Variants in RAVER2 observed in about 807,000 individuals in gnomAD.
The protein encoded by RAVER2 is ribonucleoprotein, PTB binding 2.
A neutral mutation model predicts 78.1 loss-of-function variants in RAVER2; 46 were observed. That is an observed-to-expected ratio of 0.59 (90% confidence interval 0.46 to 0.75). The LOEUF is 0.75. Among genes scored for constraint, RAVER2 ranks in the 30% least tolerant of loss-of-function variants. The pLI, the probability that RAVER2 is intolerant of heterozygous loss-of-function variation, is 0.00. For synonymous variants in RAVER2, 311 were observed against 313.3 expected (o/e 0.99, Z 0.08); for missense variants, 793 against 837.5 (o/e 0.95, Z 0.66).
chr1:64,746,195 G>A (rs1298440679), intron 1 of RAVER2, among the ~76,000 whole-genome samples: 1 of 152,044 alleles, frequency 6.6e-6, no homozygotes, highest in African/African-American at 2.4e-5. Context: ...CATTGTAGGA[G>A]AGCTAGGAAA....
chr1:64,763,676 C>T (rs1379751102), intron 1 of RAVER2, among the ~76,000 whole-genome samples: 6 of 152,006 alleles, frequency 3.9e-5, no homozygotes, highest in African/African-American at 9.7e-5. Context: ...CTGAGACGGG[C>T]GGATCACCTG....
Position 64,745,325 on chromosome 1 carries a change from T to G in RAVER2, c.153T>G (p.Pro51=). Reference sequence around the variant, plus strand: ...ACCCGATGCCCGCCGCGCTGCACCCTGAGGAGGTCGCCGCGCGACTGCAGC... The same window carrying G: ...ACCCGATGCCCGCCGCGCTGCACCCGGAGGAGGTCGCCGCGCGACTGCAGC... Residue 51 remains proline (P), a synonymous_variant, in exon 1 of 12, where the codon CCT becomes CCG. Transcript: ENST00000294428. The surrounding 1 kb of genome is among the most constrained non-coding windows in gnomAD (Gnocchi z 4.3). 3.3e-6 allele frequency: 5 copies of G among 1,536,062 alleles called. No homozygotes were observed. The highest frequency in any genetic ancestry group is 4.4e-6 in the Non-Finnish European group (5 of 1,140,008).
At chr1:64,748,158 A>G (rs1270252306) in intron 1 of RAVER2, among the ~76,000 whole-genome samples, 1 of 152,184 alleles carries the variant, frequency 6.6e-6, no homozygotes, top group Non-Finnish European at 1.5e-5. Context: ...AAAAAAAGTG[A>G]ACACCTTTAT....
At chr1:64,816,263 ATAATGATGCCT>A in intron 11 of RAVER2, 1 of 152,206 alleles carries the variant, frequency 6.6e-6, no homozygotes, top group Admixed American at 6.5e-5. Flanking sequence ...AAATTCTGTG[ATAATGATGCCT>A]TTTGCATTAC....
chr1:64,798,646 A>T (rs755048995), intron 5 of RAVER2, among the ~76,000 whole-genome samples: 1 of 152,276 alleles, frequency 6.6e-6, no homozygotes, highest in South Asian at 2.1e-4. Context: ...TAGGTAATAC[A>T]TCTAGGGCTT....
intron 3 of RAVER2, among the ~76,000 whole-genome samples, chr1:64,779,971 C>T (rs2100837036): frequency 6.6e-6 from 1 of 151,978 alleles, no homozygotes; most frequent in Admixed American, 6.6e-5. Context: ...TGAAATAGCC[C>T]TCTCTGAAAC....
chr1:64,794,295 G>A (rs962893069), intron 5 of RAVER2, among the ~76,000 whole-genome samples: 1 of 151,886 alleles, frequency 6.6e-6, no homozygotes, highest in Non-Finnish European at 1.5e-5. Context: ...CTACTCGGGA[G>A]GCTGAGGCAG....
chr1:64,831,689 G>A (rs1332028485), exon 12 of RAVER2: 1 of 152,176 alleles, frequency 6.6e-6, no homozygotes, highest in Non-Finnish European at 1.5e-5. Context: ...TACACCCTGG[G>A]TCCACATTTG....
intron 2 of RAVER2, 29 bp from the exon 3 acceptor site, chr1:64,777,594 A>AT (rs781487630): frequency 1.3e-6 from 2 of 1,533,636 alleles, no homozygotes; most frequent in Non-Finnish European, 1.8e-6. Context: ...CAATTTGAAA[A>AT]CTCTTTAATT....
intron 11 of RAVER2, among the ~76,000 whole-genome samples, chr1:64,830,525 G>A (rs986669598): frequency 3.3e-5 from 5 of 152,168 alleles, no homozygotes; most frequent in Non-Finnish European, 5.9e-5. Context: ...TTCTGAGTCC[G>A]TGGGTTTAAC....
intron 8 of RAVER2, among the ~76,000 whole-genome samples, chr1:64,805,938 T>C (rs1653406009): frequency 6.6e-6 from 1 of 152,184 alleles, no homozygotes; most frequent in African/African-American, 2.4e-5. Flanking sequence ...ATTATTTGTG[T>C]TGGATTAACT....
At chr1:64,771,080 AC>A (rs1652303415) in intron 2 of RAVER2, among the ~76,000 whole-genome samples, 1 of 152,058 alleles carries the variant, frequency 6.6e-6, no homozygotes, top group South Asian at 2.1e-4. Context: ...AACTTCAAGT[AC>A]AAAAGCATGA....
intron 1 of RAVER2, among the ~76,000 whole-genome samples, chr1:64,762,775 A>G (rs538404614): frequency 6.6e-5 from 10 of 152,360 alleles, no homozygotes; most frequent in South Asian, 6.2e-4. Context: ...GACAATAAAC[A>G]TTCCAGAAGA....
rs1250771981 is a variant in RAVER2, at chr1:64,814,684, C to T, written c.1793-20C>T. On this transcript the variant is annotated intron_variant, in intron 10 of 11. Coordinates refer to ENST00000294428, the Ensembl canonical transcript of RAVER2. ...AATAAAATAACCTAAATAAAATAAA[C>T]TTGTTGATTCTGCCTTTAGCCCCTG... The T allele has an allele frequency of 1.5e-6, 2 of 1,351,252 alleles. No homozygotes were observed. Among genetic ancestry groups the T allele is most frequent in the African/African-American group, 3.0e-5 (2 of 66,920 alleles). The allele number at this position is 1,351,252 out of a possible 1,614,324, so 83.7% of individuals were successfully genotyped here.
chr1:64,792,287 T>C (rs1652965436), intron 5 of RAVER2, among the ~76,000 whole-genome samples: 1 of 152,210 alleles, frequency 6.6e-6, no homozygotes, highest in Non-Finnish European at 1.5e-5. Flanking sequence ...TGTCCCAAAA[T>C]ATGATGTGCA....
intron 1 of RAVER2, among the ~76,000 whole-genome samples, chr1:64,751,373 G>T (rs1226866562): frequency 1.3e-5 from 2 of 152,154 alleles, no homozygotes; most frequent in Non-Finnish European, 2.9e-5. Flanking sequence ...AGGTACTCCT[G>T]CATCTTATGG....
intron 9 of RAVER2, among the ~76,000 whole-genome samples, chr1:64,812,362 C>CA (rs61411897): frequency 0.19 from 13,095 of 69,822 alleles, 1,459 homozygotes; most frequent in East Asian, 0.27. Context: ...ATTCCATCTC[C>CA]AAAAAAAAAA....
intron 1 of RAVER2, among the ~76,000 whole-genome samples, chr1:64,749,627 G>C (rs958537318): frequency 6.6e-6 from 1 of 152,176 alleles, no homozygotes; most frequent in African/African-American, 2.4e-5. Flanking sequence ...TATTTATAGT[G>C]AGTACTTTAT....
At chr1:64,814,411 A>T (rs972739183) in intron 10 of RAVER2, among the ~76,000 whole-genome samples, 2 of 152,058 alleles carry the variant, frequency 1.3e-5, no homozygotes, top group African/African-American at 4.8e-5. Context: ...CCAGACATAT[A>T]TGTTTTTGAA....
Sources: gnomAD v4.1 joint callset for allele counts (sites outside exome capture counted in the v4.1 genomes callset) on GRCh38, gnomAD v4.1.1 for gene constraint, Gnocchi (gnomAD v3.1) non-coding constraint, MANE v1.5 for transcripts, NCBI Gene and HGNC (gene_info 2026-07-23, HGNC 2026-07-21) for gene names.